PAFAH1B1: variants seen among roughly 807,000 people sequenced by gnomAD.
PAFAH1B1 encodes the protein platelet-activating factor acetylhydrolase IB subunit beta.
A neutral mutation model predicts 57.5 loss-of-function variants in PAFAH1B1; 2 were observed. The observed-to-expected ratio is 0.03, with a 90% CI of 0.01 to 0.11. The LOEUF is 0.11. Among genes scored for constraint, PAFAH1B1 ranks in the 10% least tolerant of loss-of-function variants. The pLI is 1.00. For synonymous variants in PAFAH1B1, 152 were observed against 169.6 expected (o/e 0.90, Z 0.81); for missense variants, 257 against 512.0 (o/e 0.50, Z 4.81).
Position 2,670,155 on chromosome 17 carries a change from C to T in PAFAH1B1, c.400-8C>T, listed in dbSNP as rs1195705840. 1 of 1,613,796 alleles carries T rather than the reference C, an allele frequency of 6.2e-7. No homozygotes were observed. On this transcript the variant is annotated splice_region_variant and splice_polypyrimidine_tract_variant and intron_variant, in intron 5 of 10. Coordinates refer to ENST00000397195, the MANE Select transcript of PAFAH1B1 (RefSeq NM_000430.4). ...TTGGTGTTAACCAATTTTCTGTTCA[C>T]TTGACAGGTGTGGGATTATGAGACT...
chr17:2,641,048 C>T (rs2068688706), intron 2 of PAFAH1B1: 2 of 152,218 alleles, frequency 1.3e-5, no homozygotes, highest in African/African-American at 2.4e-5. Context: ...TGATGGTTTT[C>T]ACCACCACTC....
At chr17:2,635,539 T>A (rs1046781009) in intron 1 of PAFAH1B1, 1 of 151,906 alleles carries the variant, frequency 6.6e-6, no homozygotes, top group Non-Finnish European at 1.5e-5. Flanking sequence ...TGCCAATTTT[T>A]TTTACTTGTA....
Position 2,655,635 on chromosome 17 carries a change from C to T in PAFAH1B1, c.33-9737C>T, listed in dbSNP as rs369779514. ...TCCAGCCTAGGTGACATGGCAAGAC[C>T]CTGTCTCAAGAAAGAGAAAACACAT... On this transcript the variant is annotated intron_variant, in intron 2 of 10. Transcript: ENST00000397195. 2.6e-4 allele frequency among the ~76,000 whole-genome samples: 40 copies of T among 152,144 alleles called. No individual in the cohort carries two copies. The Middle Eastern group carries it at 0.01, about 39-fold the overall frequency.
rs1320334453 is a variant in PAFAH1B1 at position 2,683,558 on chromosome 17, C to T, written c.*1756C>T. ...AAGCAGCTTTATGTCTAGCTTGTGT[C>T]TTTTTGTTTGTTTGCTTGTTTGTTT... On this transcript the variant is annotated 3_prime_UTR_variant, in exon 11 of 11. Transcript: ENST00000397195. 6.6e-6 allele frequency: 1 copy of T among 152,246 alleles called. No homozygotes were observed. Among genetic ancestry groups the T allele is most frequent in the South Asian group, 2.1e-4 (1 of 4,830 alleles). 9.4% of individuals were successfully genotyped at this position (152,246 alleles called of 1,614,324 possible).
chr17:2,653,713 T>G (rs1301599797), intron 2 of PAFAH1B1, among the ~76,000 whole-genome samples: 4 of 152,208 alleles, frequency 2.6e-5, no homozygotes, highest in African/African-American at 9.6e-5. Context: ...AGACTATAAC[T>G]ATAATCTAAA....
intron 1 of PAFAH1B1, chr17:2,613,540 C>T (rs2068294021): frequency 3.8e-6 from 1 of 265,380 alleles, no homozygotes; most frequent in Admixed American, 5.0e-5. Flanking sequence ...GGGCCTGGGT[C>T]TTGAGGGCAG....
Position 2,638,178 on chromosome 17 carries a change from G to A in PAFAH1B1, c.-111G>A, listed in dbSNP as rs2068647641. 3.9e-6 allele frequency: 3 copies of A among 774,042 alleles called. No homozygotes were observed. Among genetic ancestry groups the A allele is most frequent in the Non-Finnish European group, 6.7e-6 (3 of 451,098 alleles). The allele number at this position is 774,042 out of a possible 1,614,324, so 47.9% of individuals were successfully genotyped here. ...TGAAAGAATCATTTTCCCCTGTGTGGAAGACACTTAGTGGCATATTTAAAT... is the reference window on the plus strand; with the variant it reads ...TGAAAGAATCATTTTCCCCTGTGTGAAAGACACTTAGTGGCATATTTAAAT... On this transcript the variant is annotated 5_prime_UTR_variant, in exon 2 of 11. Transcript: ENST00000397195.
At chr17:2,624,917 C>T (rs759431052) in intron 1 of PAFAH1B1, among the ~76,000 whole-genome samples, 1 of 152,102 alleles carries the variant, frequency 6.6e-6, no homozygotes, top group African/African-American at 2.4e-5. Context: ...GATGAATTAC[C>T]GGATAAGTCT....
At chr17:2,603,194 CTG>C (rs1282877822) in intron 1 of PAFAH1B1, among the ~76,000 whole-genome samples, 5 of 152,100 alleles carry the variant, frequency 3.3e-5, no homozygotes, top group African/African-American at 1.2e-4. Flanking sequence ...GGGTCTGGCT[CTG>C]TTGCCCAGGC....
intron 1 of PAFAH1B1, among the ~76,000 whole-genome samples, chr17:2,624,226 A>G (rs759465259): frequency 1.3e-5 from 2 of 152,160 alleles, no homozygotes; most frequent in Non-Finnish European, 2.9e-5. Flanking sequence ...AAAGTCATTC[A>G]ACAAGTCTCT....
chr17:2,663,745 T>C (rs2151657258), intron 2 of PAFAH1B1, among the ~76,000 whole-genome samples: 1 of 151,484 alleles, frequency 6.6e-6, no homozygotes, highest in East Asian at 1.9e-4. Flanking sequence ...TTTCCCAGGC[T>C]GGAGTGCAGT....
intron 1 of PAFAH1B1, among the ~76,000 whole-genome samples, chr17:2,615,792 C>G (rs1167394398): frequency 6.6e-6 from 1 of 152,152 alleles, no homozygotes; most frequent in East Asian, 1.9e-4. Flanking sequence ...GAGCACCCAT[C>G]AACAAATGAA....
intron 2 of PAFAH1B1, chr17:2,641,736 T>C (rs2068697683): frequency 6.6e-6 from 1 of 152,164 alleles, no homozygotes; most frequent in Admixed American, 6.6e-5. Context: ...GCGCATGATA[T>C]GTATTAGAGA....
chr17:2,683,257 C>T lies in PAFAH1B1; in HGVS notation c.*1455C>T, dbSNP rs1399873834. ...TAGCCATGACTTTTGGAGCACTATT[C>T]CATTGTCAGTTATTAATAAAGAATT... On this transcript the variant is annotated 3_prime_UTR_variant, in exon 11 of 11. Transcript: ENST00000397195. 1 of 152,090 alleles carries T rather than the reference C, an allele frequency of 6.6e-6. No individual in the cohort carries two copies. Among genetic ancestry groups the T allele is most frequent in the African/African-American group, 2.4e-5 (1 of 41,422 alleles). The allele number at this position is 152,090 out of a possible 1,614,324, so 9.4% of individuals were successfully genotyped here.
At chr17:2,619,050 T>C (rs1276057943) in intron 1 of PAFAH1B1, among the ~76,000 whole-genome samples, 3 of 151,746 alleles carry the variant, frequency 2.0e-5, no homozygotes, top group Admixed American at 6.6e-5. Context: ...CTGTCAAAAG[T>C]AAGCCAATTT....
At chr17:2,622,381 G>C (rs568403845) in intron 1 of PAFAH1B1, among the ~76,000 whole-genome samples, 30 of 152,306 alleles carry the variant, frequency 2.0e-4, no homozygotes, top group African/African-American at 6.5e-4. Flanking sequence ...TGGGGGTATA[G>C]GTATTGGGTA....
At chr17:2,670,099 G>C in intron 5 of PAFAH1B1, 64 bp from the exon 6 acceptor site, 1 of 1,407,970 alleles carries the variant, frequency 7.1e-7, no homozygotes, top group Non-Finnish European at 1.0e-6. Context: ...CCTGCTGAGT[G>C]CAAATGTGAA....
At chr17:2,607,781 C>T (rs962226182) in intron 1 of PAFAH1B1, among the ~76,000 whole-genome samples, 12 of 152,154 alleles carry the variant, frequency 7.9e-5, no homozygotes, top group Non-Finnish European at 1.3e-4. Flanking sequence ...TCACCGCACC[C>T]GGCTTGATGT....
chr17:2,676,706 G>A lies in PAFAH1B1; in HGVS notation c.1002+100G>A, dbSNP rs116235430. Reference sequence around the variant, plus strand: ...TCTTAAATAATCTGAATTATTCTGGGCTTTAAAATAACTTCTTTATAAAGA... The same window carrying A: ...TCTTAAATAATCTGAATTATTCTGGACTTTAAAATAACTTCTTTATAAAGA... On this transcript the variant is annotated intron_variant, in intron 9 of 10. Coordinates refer to ENST00000397195, the MANE Select transcript of PAFAH1B1 (RefSeq NM_000430.4). 1,543 of 795,256 alleles carry A rather than the reference G, an allele frequency of 1.9e-3. 21 individuals carry two copies. In the African/African-American group the frequency reaches 0.024, roughly 12 times the overall value. The allele number at this position is 795,256 out of a possible 1,614,324, so 49.3% of individuals were successfully genotyped here. A position where few individuals can be genotyped will look rare whatever the true frequency, so the allele number is the denominator to read the frequency against.
Sources: allele counts gnomAD v4.1 joint callset (sites outside exome capture counted in the v4.1 genomes callset), GRCh38; gene constraint gnomAD v4.1.1; transcripts MANE v1.5; gene names NCBI Gene and HGNC (gene_info 2026-07-23, HGNC 2026-07-21).